ADGRG4: variants seen among roughly 807,000 people sequenced by gnomAD.
ADGRG4 encodes the protein adhesion G protein-coupled receptor G4, also known as G protein-coupled receptor 112.
A neutral mutation model predicts 126.2 loss-of-function variants in ADGRG4; 122 were observed. The observed-to-expected ratio is 0.97, with a 90% CI of 0.83 to 1.12. The LOEUF is 1.12. ADGRG4 is among the 50% of genes most tolerant of loss of function. ADGRG4 has a pLI of 0.00. For missense variants in ADGRG4, 2,481 were observed against 2,251.8 expected, an observed-to-expected ratio of 1.10 and a Z score of -2.06; for synonymous variants, 943 against 838.7, an observed-to-expected ratio of 1.12 and a Z score of -2.15.
Position 136,405,922 on chromosome X carries a change from C to G in ADGRG4, c.8885C>G (p.Pro2962Arg), listed in dbSNP as rs757481794. The G allele has an allele frequency of 8.7e-7, 1 of 1,145,050 alleles. No individual in the cohort carries two copies. The highest frequency in any genetic ancestry group is 2.6e-5 in the Admixed American group (1 of 37,895). The allele number at this position is 1,145,050 out of a possible 1,213,427, so 94.4% of individuals were successfully genotyped here. A position where few individuals can be genotyped will look rare whatever the true frequency, so the allele number is the denominator to read the frequency against. Residue 2962 changes from proline (P) to arginine (R), a missense_variant, in exon 23 of 26, where the codon CCC becomes CGC. Pro to Arg is a moderately radical substitution (Grantham distance 103). Coordinates refer to ENST00000394143, the MANE Select transcript of ADGRG4 (RefSeq NM_153834.4). ...TWGFAFFAWG[P>R]MRNFFLYLFA... is the part of the protein sequence containing the mutation. ...GGGTTTGCATTTTTTGCTTGGGGAC[C>G]CATGAGGAACTTTTTCTTGTATTTG...
rs1479098860 is a variant in ADGRG4, at chrX:136,371,361, A to G, written c.7430A>G (p.Asn2477Ser). 8.4e-7 allele frequency: 1 copy of G among 1,196,096 alleles called. No individual in the cohort carries two copies. The highest frequency in any genetic ancestry group is 2.3e-5 in the Admixed American group (1 of 43,927). Residue 2477 changes from asparagine to serine, a missense_variant, in exon 14 of 26, where the codon AAT (asparagine) becomes AGT (serine). Coordinates refer to ENST00000394143, the MANE Select transcript of ADGRG4 (RefSeq NM_153834.4). ...GAGGATGTTGCAGAGCATATTTTAA[A>G]TTTGATAAATGAATCCCCAGCCCTG... ...NAEDVAEHIL[N>S]LINESPALGK...
At position 136,348,376 on chromosome X, in the gene ADGRG4, G is replaced by T; in HGVS notation, c.4670G>T (p.Gly1557Val). ...CLKSPCTATS[G>V]PMSEMSSIPV... is the part of the protein sequence containing the mutation. Reference sequence around the variant, plus strand: ...AAAAGTCCCTGTACAGCCACTTCTGGGCCTATGTCTGAGATGTCCTCAATA... The same window carrying T: ...AAAAGTCCCTGTACAGCCACTTCTGTGCCTATGTCTGAGATGTCCTCAATA... Residue 1557 changes from glycine to valine, a missense_variant, in exon 6 of 26, where the codon GGG becomes GTG. Coordinates refer to ENST00000394143, the MANE Select transcript of ADGRG4 (RefSeq NM_153834.4). 2.5e-6 allele frequency: 3 copies of T among 1,210,159 alleles called. No individual in the cohort carries two copies. Among genetic ancestry groups the T allele is most frequent in the Non-Finnish European group, 3.4e-6 (3 of 894,570 alleles).
chrX:136,343,612 GAA>G (rs991910978), intron 5 of ADGRG4, among the ~76,000 whole-genome samples: 5 of 111,572 alleles, frequency 4.5e-5, no homozygotes, highest in African/African-American at 1.6e-4. Context: ...GGAAAGCAAT[GAA>G]AAGAGTATTT....
intron 4 of ADGRG4, among the ~76,000 whole-genome samples, chrX:136,318,885 A>C (rs2074821588): frequency 8.9e-6 from 1 of 112,326 alleles, no homozygotes; most frequent in Non-Finnish European, 1.9e-5. Context: ...TAATGGAAAA[A>C]ACACCTTAAA....
chrX:136,316,878 A>G (rs1024944957), intron 4 of ADGRG4, among the ~76,000 whole-genome samples: 3 of 111,788 alleles, frequency 2.7e-5, no homozygotes, highest in Non-Finnish European at 3.8e-5. Context: ...AAGGCAGAGC[A>G]CGAGTTCAGT....
chrX:136,325,629 T>C (rs2074867340), intron 5 of ADGRG4, among the ~76,000 whole-genome samples: 1 of 111,326 alleles, frequency 9.0e-6, no homozygotes, highest in South Asian at 3.8e-4. Flanking sequence ...TGAGTTTTCC[T>C]ACCACTTTGT....
intron 15 of ADGRG4, among the ~76,000 whole-genome samples, chrX:136,378,318 T>A (rs512396): frequency 0.35 from 38,304 of 110,166 alleles, 5,029 homozygotes; most frequent in Non-Finnish European, 0.4. Context: ...ATTTATATTA[T>A]ATGCTATATA....
chrX:136,403,805 C>T (rs757409052), intron 22 of ADGRG4, among the ~76,000 whole-genome samples: 2 of 112,150 alleles, frequency 1.8e-5, no homozygotes, highest in South Asian at 7.5e-4. Flanking sequence ...TTGTAAACGG[C>T]CTCGGCTTTA....
Position 136,348,120 on chromosome X carries a change from G to A in ADGRG4, c.4414G>A (p.Gly1472Arg). The A allele has an allele frequency of 8.3e-7, 1 of 1,210,360 alleles. No homozygotes were observed. The highest frequency in any genetic ancestry group is 1.7e-5 in the African/African-American group (1 of 57,682). The change falls in exon 6 of 26, where the codon GGA becomes AGA. Residue 1472 changes from glycine (G) to arginine (R), a missense_variant. Coordinates refer to ENST00000394143, the MANE Select transcript of ADGRG4 (RefSeq NM_153834.4). ...TGAGTCCTTGTCTCTTTCCACAGCT[G>A]GACTATATAATGACGGTTTTACAGT... ...FPESLSLSTA[G>R]LYNDGFTVLS...
At chrX:136,404,419 C>G (rs924826307) in intron 22 of ADGRG4, among the ~76,000 whole-genome samples, 88 of 111,635 alleles carry the variant, frequency 7.9e-4, no homozygotes, top group African/African-American at 2.8e-3. Context: ...TAGTAAGAGG[C>G]CGACTGCTCT....
intron 17 of ADGRG4, 134 bp downstream of exon 17, chrX:136,392,488 T>C (rs1006819590): frequency 3.0e-5 from 16 of 538,686 alleles, no homozygotes; most frequent in Non-Finnish European, 3.7e-5. Context: ...AGGTAGCAAA[T>C]GTGTGTTATA....
intron 5 of ADGRG4, among the ~76,000 whole-genome samples, chrX:136,331,469 C>T (rs1414855578): frequency 8.9e-6 from 1 of 112,590 alleles, no homozygotes; most frequent in Non-Finnish European, 1.9e-5. Flanking sequence ...TGTTTACAAA[C>T]TGTCAGACTG....
intron 15 of ADGRG4, among the ~76,000 whole-genome samples, chrX:136,384,049 G>A (rs889244028): frequency 1.8e-5 from 2 of 109,217 alleles, no homozygotes; most frequent in Non-Finnish European, 3.8e-5. Flanking sequence ...GTGCCACCAC[G>A]CATGGGCTGT....
At chrX:136,397,491 C>CTTTTTTTTTTT (rs1184936316) in intron 19 of ADGRG4, among the ~76,000 whole-genome samples, 89 of 50,557 alleles carry the variant, frequency 1.8e-3, no homozygotes, top group Non-Finnish European at 2.1e-3. Context: ...AGGAAAAGGA[C>CTTTTTTTTTTT]TTTTTTTTTT....
chrX:136,392,571 A>G (rs1411476687), intron 17 of ADGRG4, among the ~76,000 whole-genome samples: 2 of 111,963 alleles, frequency 1.8e-5, no homozygotes, highest in Non-Finnish European at 3.8e-5. Context: ...ACTGTGACAG[A>G]TTGGTGGGGC....
intron 13 of ADGRG4, among the ~76,000 whole-genome samples, chrX:136,365,587 A>G (rs1394773678): frequency 8.9e-6 from 1 of 112,085 alleles, no homozygotes. Context: ...TATACACTGA[A>G]GAGTAGAATT....
At chrX:136,364,101 G>A (rs767941150) in intron 13 of ADGRG4, among the ~76,000 whole-genome samples, 40 of 110,876 alleles carry the variant, frequency 3.6e-4, no homozygotes, top group Admixed American at 7.7e-4. Context: ...GTGAGCCACC[G>A]CGCCTGGCCT....
Position 136,347,232 on chromosome X carries a change from C to A in ADGRG4, c.3526C>A (p.Gln1176Lys), listed in dbSNP as rs947108911. The A allele has an allele frequency of 1.1e-5, 13 of 1,208,573 alleles. No individual in the cohort carries two copies. The Admixed American group carries it at 2.6e-4, about 24-fold the overall frequency. ...STPEATQPIS[Q>K]VEETSTYALS... ...ACCAGAAGCAACTCAACCAATATCTCAAGTAGAGGAGACTTCTACCTATGC... is the reference window on the plus strand; with the variant it reads ...ACCAGAAGCAACTCAACCAATATCTAAAGTAGAGGAGACTTCTACCTATGC... Residue 1176 changes from glutamine (Q) to lysine (K), a missense_variant, in exon 6 of 26, where the codon CAA becomes AAA. Physicochemically the swap from Gln to Lys is moderately conservative, Grantham distance 53. Coordinates refer to ENST00000394143, the MANE Select transcript of ADGRG4 (RefSeq NM_153834.4).
At position 136,390,390 on chromosome X, in the gene ADGRG4, T is replaced by C. The variant is rs1213693482; in HGVS notation, c.7912-1842T>C. Among the ~76,000 whole-genome samples the C allele has an allele frequency of 2.9e-4, 32 of 111,088 alleles. No individual in the cohort carries two copies. In the Admixed American group the frequency reaches 3.1e-3, roughly 11 times the overall value. On this transcript the variant is annotated intron_variant, in intron 16 of 25. Coordinates refer to ENST00000394143, the MANE Select transcript of ADGRG4 (RefSeq NM_153834.4). Reference sequence around the variant, plus strand: ...GATAAGGCACCACTCTTGGATAATATGTGTCTCCTCCTCCACACCTCCTCT... The same window carrying C: ...GATAAGGCACCACTCTTGGATAATACGTGTCTCCTCCTCCACACCTCCTCT...
Sources: allele counts gnomAD v4.1 joint callset (sites outside exome capture counted in the v4.1 genomes callset), GRCh38; gene constraint gnomAD v4.1.1; transcripts MANE v1.5; gene names NCBI Gene and HGNC (gene_info 2026-07-23, HGNC 2026-07-21).